The following SLC16A7 variants were observed in gnomAD, a reference collection of about 807,000 sequenced individuals.
The protein encoded by SLC16A7 is monocarboxylate transporter 2.
SLC16A7 carries 33 observed loss-of-function variants against 34.9 expected under a neutral mutation model. That is an observed-to-expected ratio of 0.94 (90% CI 0.72 to 1.26). SLC16A7 has a LOEUF of 1.26. Ranked by LOEUF, SLC16A7 falls within the 50% of genes most tolerant of loss-of-function variation. The pLI is 0.00. For missense variants in SLC16A7, 573 were observed against 578.1 expected (o/e 0.99, Z 0.09); for synonymous variants, 201 against 206.6 (o/e 0.97, Z 0.23).
chr12:59,632,710 C>A (rs1472580301), intron 1 of SLC16A7, among the ~76,000 whole-genome samples: 1 of 151,962 alleles, frequency 6.6e-6, no homozygotes, highest in Non-Finnish European at 1.5e-5. Flanking sequence ...ACAGTATCAC[C>A]CCCGGTTAAG....
chr12:59,753,363 T>C (rs558036505), intron 3 of SLC16A7, among the ~76,000 whole-genome samples: 5,149 of 152,058 alleles, frequency 0.034, 273 homozygotes, highest in African/African-American at 0.12. Flanking sequence ...GGAAACCCAT[T>C]TCATGTGCAG....
At chr12:59,659,403 C>G (rs566146094) in intron 2 of SLC16A7, among the ~76,000 whole-genome samples, 2 of 152,112 alleles carry the variant, frequency 1.3e-5, no homozygotes, top group East Asian at 1.9e-4. Context: ...CAACCCTCAT[C>G]CTCCTCCTAG....
chr12:59,759,281 T>C (rs1387190074), intron 3 of SLC16A7, among the ~76,000 whole-genome samples: 1 of 151,950 alleles, frequency 6.6e-6, no homozygotes, highest in South Asian at 2.1e-4. Context: ...CTTTTATCTG[T>C]CTGTTAAAGT....
At chr12:59,639,543 C>G (rs1350003399) in intron 1 of SLC16A7, among the ~76,000 whole-genome samples, 2 of 152,040 alleles carry the variant, frequency 1.3e-5, no homozygotes, top group Admixed American at 6.6e-5. Flanking sequence ...GCCACCATGC[C>G]TGGCTAATTT....
chr12:59,645,605 G>A (rs972491491), intron 1 of SLC16A7, among the ~76,000 whole-genome samples: 10 of 152,082 alleles, frequency 6.6e-5, no homozygotes, highest in Middle Eastern at 3.4e-3. Flanking sequence ...ATATATTACC[G>A]AGTCTTGGGT....
chr12:59,733,504 G>A (rs951785565), intron 3 of SLC16A7, among the ~76,000 whole-genome samples: 3 of 152,284 alleles, frequency 2.0e-5, no homozygotes, highest in South Asian at 2.1e-4. Flanking sequence ...GGCTTCTACT[G>A]TGGGCACTGG....
chr12:59,654,661 A>G (rs966478484), intron 1 of SLC16A7, among the ~76,000 whole-genome samples: 1 of 151,352 alleles, frequency 6.6e-6, no homozygotes, highest in African/African-American at 2.4e-5. Context: ...AAATTTCAAG[A>G]TATTACTTTA....
chr12:59,731,594 C>G (rs2137244499), intron 3 of SLC16A7, among the ~76,000 whole-genome samples: 1 of 152,256 alleles, frequency 6.6e-6, no homozygotes, highest in East Asian at 1.9e-4. Flanking sequence ...AGACCAAATT[C>G]CAGTCTTCGT....
intron 1 of SLC16A7, among the ~76,000 whole-genome samples, chr12:59,628,896 G>C (rs983992137): frequency 6.6e-6 from 1 of 151,824 alleles, no homozygotes; most frequent in Non-Finnish European, 1.5e-5. Flanking sequence ...TTGGAGGTCA[G>C]TTTGTCTGTC....
chr12:59,621,930 T>G (rs1021444161), intron 1 of SLC16A7, among the ~76,000 whole-genome samples: 2 of 151,784 alleles, frequency 1.3e-5, no homozygotes, highest in African/African-American at 2.4e-5. Flanking sequence ...TATAATTCTG[T>G]CTACTTTTTC....
At chr12:59,620,584 T>C (rs1171365252) in intron 1 of SLC16A7, among the ~76,000 whole-genome samples, 1 of 151,920 alleles carries the variant, frequency 6.6e-6, no homozygotes, top group Non-Finnish European at 1.5e-5. Flanking sequence ...AAAAGAATGG[T>C]GCCTGTATTT....
At position 59,650,240 on chromosome 12, in the gene SLC16A7, G is replaced by A. The variant is rs148194638; in HGVS notation, c.-129-4912G>A. Among the ~76,000 whole-genome samples the A allele has an allele frequency of 3.9e-3, 586 of 152,176 alleles. 3 individuals carry two copies. Among genetic ancestry groups the A allele is most frequent in the African/African-American group, 0.013 (559 of 41,534 alleles). On this transcript the variant is annotated intron_variant, in intron 1 of 5. Transcript: ENST00000547379. The stretch of plus-strand genomic sequence containing the variant: ...TGTTTCACAAGACATGAAAAAGAGT[G>A]TGTGTCTTATTCAAAATAAAGGAGA...
At chr12:59,665,915 C>T (rs560689853) in intron 2 of SLC16A7, among the ~76,000 whole-genome samples, 276 of 151,530 alleles carry the variant, frequency 1.8e-3, no homozygotes, top group Middle Eastern at 3.4e-3. Context: ...GTATCCAAAG[C>T]CAAAAAGCTT....
intron 3 of SLC16A7, chr12:59,761,186 A>G (rs1352371166): frequency 7.8e-6 from 10 of 1,273,938 alleles, no homozygotes; most frequent in Non-Finnish European, 1.0e-5. Context: ...GCTTTACTCA[A>G]TCAGGATCAT....
chr12:59,668,976 C>A (rs1290182807), intron 2 of SLC16A7, among the ~76,000 whole-genome samples: 3 of 152,178 alleles, frequency 2.0e-5, no homozygotes, highest in Non-Finnish European at 4.4e-5. Flanking sequence ...CCTTTGCCTT[C>A]TGCCATGATT....
chr12:59,651,649 T>C (rs1449468983), intron 1 of SLC16A7, among the ~76,000 whole-genome samples: 1 of 152,162 alleles, frequency 6.6e-6, no homozygotes, highest in African/African-American at 2.4e-5. Context: ...CTCATGCCTG[T>C]CATTTACCAG....
Position 59,782,392 on chromosome 12 carries a change from T to C in SLC16A7, c.*2713T>C, listed in dbSNP as rs1426200828. The stretch of plus-strand genomic sequence containing the variant: ...AAAGTGTATCAACCTAGGATTTTCA[T>C]TACTATATAGTCACATAAATGGAGG... On this transcript the variant is annotated 3_prime_UTR_variant, in exon 6 of 6. Transcript: ENST00000547379. The C allele has an allele frequency of 6.6e-6, 1 of 152,220 alleles. No individual in the cohort carries two copies. The highest frequency in any genetic ancestry group is 1.5e-5 in the Non-Finnish European group (1 of 68,026). The allele number at this position is 152,220 out of a possible 1,614,324, so 9.4% of individuals were successfully genotyped here.
intron 2 of SLC16A7, among the ~76,000 whole-genome samples, chr12:59,676,533 A>T (rs1870327915): frequency 6.6e-6 from 1 of 152,062 alleles, no homozygotes; most frequent in African/African-American, 2.4e-5. Flanking sequence ...TACCAAATGG[A>T]TGTGAAGAAC....
In SLC16A7 at chr12:59,785,190, A is replaced by C. The variant is rs180759768; in HGVS notation, c.*5511A>C. 1 of 152,288 alleles carries C rather than the reference A, an allele frequency of 6.6e-6. No homozygotes were observed. The highest frequency in any genetic ancestry group is 1.5e-5 in the Non-Finnish European group (1 of 68,014). 9.4% of individuals were successfully genotyped at this position (152,288 alleles called of 1,614,324 possible). ...ATCTTTGTTGATACAATTAAAAATG[A>C]GTAATTTTCTGAGCTTATGTCACTT... On this transcript the variant is annotated 3_prime_UTR_variant, in exon 6 of 6. Transcript: ENST00000547379.
Sources: allele counts gnomAD v4.1 joint callset (sites outside exome capture counted in the v4.1 genomes callset), GRCh38; gene constraint gnomAD v4.1.1; transcripts MANE v1.5; gene names NCBI Gene and HGNC (gene_info 2026-07-23, HGNC 2026-07-21).